The following SPRED1 variants were observed in gnomAD, a reference collection of about 807,000 sequenced individuals.
SPRED1 encodes sprouty related EVH1 domain containing 1.
In SPRED1, 18 loss-of-function variants were observed where a neutral mutation model predicts 52.3. That is an observed-to-expected ratio of 0.34 (90% CI 0.24 to 0.51). The LOEUF is 0.51. Ranked by LOEUF, SPRED1 falls within the 20% of genes least tolerant of loss-of-function variation. The pLI, the probability that SPRED1 is intolerant of heterozygous loss-of-function variation, is 0.97. For synonymous variants in SPRED1, 155 were observed against 179.7 expected (o/e 0.86, Z 1.10); for missense variants, 485 against 551.0 (o/e 0.88, Z 1.20).
intron 1 of SPRED1, among the ~76,000 whole-genome samples, chr15:38,296,222 A>G (rs1895036563): frequency 6.6e-6 from 1 of 152,136 alleles, no homozygotes; most frequent in Non-Finnish European, 1.5e-5. Context: ...ATAGTTCTGT[A>G]AGGGAGAAAA....
At chr15:38,329,474 CTTTA>C (rs1018749155) in intron 4 of SPRED1, among the ~76,000 whole-genome samples, 14 of 152,170 alleles carry the variant, frequency 9.2e-5, no homozygotes, top group African/African-American at 2.9e-4. Flanking sequence ...AGTGGATTGG[CTTTA>C]TTTAGGTAGT....
intron 2 of SPRED1, among the ~76,000 whole-genome samples, chr15:38,317,782 C>T (rs1433731081): frequency 7.7e-6 from 1 of 129,610 alleles, no homozygotes; most frequent in Non-Finnish European, 1.6e-5. Flanking sequence ...TCTTCTGAGG[C>T]ATTCTTTTTT....
intron 3 of SPRED1, among the ~76,000 whole-genome samples, chr15:38,322,668 C>G (rs1180039497): frequency 6.6e-6 from 1 of 152,022 alleles, no homozygotes; most frequent in Non-Finnish European, 1.5e-5. Flanking sequence ...TCAGATAATT[C>G]AAATGTTTTA....
intron 5 of SPRED1, among the ~76,000 whole-genome samples, chr15:38,341,410 T>G (rs1239427620): frequency 1.3e-5 from 2 of 152,002 alleles, no homozygotes; most frequent in African/African-American, 4.8e-5. Flanking sequence ...TTTTCAGCTT[T>G]TTTCCTTTTT....
In SPRED1 at chr15:38,349,404, A is replaced by G; in HGVS notation, c.583-18A>G. ...TAAAATTCTTGTGTCATTTAAGTAG[A>G]AATTGTTTGTATTTTAGATAACATT... On this transcript the variant is annotated intron_variant, in intron 5 of 6. Coordinates refer to ENST00000299084, the MANE Select transcript of SPRED1 (RefSeq NM_152594.3). The G allele has an allele frequency of 6.4e-7, 1 of 1,572,526 alleles. No homozygotes were observed.
At chr15:38,305,880 A>G (rs998137911) in intron 2 of SPRED1, among the ~76,000 whole-genome samples, 1 of 152,140 alleles carries the variant, frequency 6.6e-6, no homozygotes, top group Non-Finnish European at 1.5e-5. Context: ...AAACTTAGGA[A>G]TTATCAGTGA....
intron 4 of SPRED1, among the ~76,000 whole-genome samples, chr15:38,336,326 A>G (rs1895913749): frequency 1.3e-5 from 2 of 150,944 alleles, no homozygotes; most frequent in Admixed American, 1.3e-4. Flanking sequence ...ATTTGCAATT[A>G]CAAAAATATG....
intron 4 of SPRED1, among the ~76,000 whole-genome samples, chr15:38,333,790 A>T (rs956754880): frequency 1.3e-5 from 2 of 152,134 alleles, no homozygotes; most frequent in African/African-American, 4.8e-5. Flanking sequence ...CATAAGGCCT[A>T]TACACTATTA....
At chr15:38,298,894 C>T (rs1338537924) in intron 1 of SPRED1, among the ~76,000 whole-genome samples, 1 of 152,146 alleles carries the variant, frequency 6.6e-6, no homozygotes, top group Non-Finnish European at 1.5e-5. Context: ...CTAAACTAAG[C>T]ATGTTTGTTT....
intron 1 of SPRED1, among the ~76,000 whole-genome samples, chr15:38,254,235 C>T (rs897080559): frequency 1.3e-5 from 2 of 152,132 alleles, no homozygotes; most frequent in African/African-American, 2.4e-5. Context: ...TGGATGCATT[C>T]CTTTAAATAC....
chr15:38,255,146 G>GT (rs1481684225), intron 1 of SPRED1, among the ~76,000 whole-genome samples: 2 of 152,066 alleles, frequency 1.3e-5, no homozygotes, highest in African/African-American at 2.4e-5. Context: ...GAGACAACAG[G>GT]TTTTTTTGTA....
chr15:38,306,689 C>T (rs946270910), intron 2 of SPRED1, among the ~76,000 whole-genome samples: 4 of 152,040 alleles, frequency 2.6e-5, no homozygotes, highest in Non-Finnish European at 5.9e-5. Context: ...GTTCTCTTTC[C>T]CCGGAGCCTT....
At chr15:38,324,621 G>C in intron 3 of SPRED1, 142 bp from the exon 4 acceptor site, 1 of 647,414 alleles carries the variant, frequency 1.5e-6, no homozygotes, top group South Asian at 2.0e-5. Flanking sequence ...AATGCAAGTG[G>C]CCAGTACCTT....
intron 1 of SPRED1, among the ~76,000 whole-genome samples, chr15:38,260,007 C>T (rs1052918898): frequency 6.6e-6 from 1 of 152,136 alleles, no homozygotes; most frequent in Non-Finnish European, 1.5e-5. Context: ...ATGTGACGTT[C>T]TTACTAATCT....
chr15:38,315,163 C>T (rs1895451130), intron 2 of SPRED1, among the ~76,000 whole-genome samples: 1 of 151,784 alleles, frequency 6.6e-6, no homozygotes, highest in Non-Finnish European at 1.5e-5. Context: ...CTTTGGTTAT[C>T]AAGTAATTTA....
intron 2 of SPRED1, among the ~76,000 whole-genome samples, chr15:38,305,610 G>A (rs1379592529): frequency 6.7e-6 from 1 of 149,136 alleles, no homozygotes; most frequent in East Asian, 2.0e-4. Flanking sequence ...TTTTTGCTGG[G>A]TGTGGGGATT....
intron 4 of SPRED1, among the ~76,000 whole-genome samples, chr15:38,330,842 T>C (rs1012956676): frequency 6.6e-6 from 1 of 152,178 alleles, no homozygotes; most frequent in Non-Finnish European, 1.5e-5. Context: ...TCCCTTTTTT[T>C]CTGCATTTGA....
intron 1 of SPRED1, among the ~76,000 whole-genome samples, chr15:38,258,042 T>C (rs1057399914): frequency 1.3e-5 from 2 of 152,218 alleles, no homozygotes; most frequent in African/African-American, 4.8e-5. Flanking sequence ...ATTTAAAAAA[T>C]GCTTCACCCC....
chr15:38,257,776 G>A (rs545799311), intron 1 of SPRED1, among the ~76,000 whole-genome samples: 77 of 152,320 alleles, frequency 5.1e-4, no homozygotes, highest in African/African-American at 1.8e-3. Flanking sequence ...AGTGCCAAGG[G>A]TGAGGAACTG....
Sources: gnomAD v4.1 joint callset for allele counts (sites outside exome capture counted in the v4.1 genomes callset) on GRCh38, gnomAD v4.1.1 for gene constraint, MANE v1.5 for transcripts, NCBI Gene and HGNC (gene_info 2026-07-23, HGNC 2026-07-21) for gene names.